KYNU: variants seen among roughly 807,000 people sequenced by gnomAD.
The protein encoded by KYNU is kynureninase.
KYNU carries 54 observed loss-of-function variants against 59.2 expected under a neutral mutation model. The ratio of observed to expected loss-of-function variants is 0.91; its 90% CI spans 0.73 to 1.14. KYNU has a LOEUF of 1.14. Ranked by LOEUF, KYNU falls within the 50% of genes most tolerant of loss-of-function variation. The pLI is 0.00. For missense variants in KYNU, 567 were observed against 554.4 expected (o/e 1.02, Z -0.23); for synonymous variants, 177 against 192.0 (o/e 0.92, Z 0.65).
chr2:142,886,223 A>G (rs927796848), intron 2 of KYNU, among the ~76,000 whole-genome samples: 3 of 152,190 alleles, frequency 2.0e-5, no homozygotes, highest in Non-Finnish European at 2.9e-5. Context: ...CCCAGGTTGA[A>G]TGGAATTAGT....
At chr2:143,028,497 C>G (rs1458476400) in intron 10 of KYNU, among the ~76,000 whole-genome samples, 2 of 149,326 alleles carry the variant, frequency 1.3e-5, no homozygotes, top group East Asian at 4.1e-4. Context: ...CCGCCTTGGC[C>G]TCCCAAAGTG....
intron 4 of KYNU, among the ~76,000 whole-genome samples, chr2:142,951,599 GAACACTA>G (rs1261550350): frequency 6.6e-6 from 1 of 152,178 alleles, no homozygotes; most frequent in Non-Finnish European, 1.5e-5. Context: ...TTGATGTTAA[GAACACTA>G]AATTCTTTAG....
chr2:143,021,561 A>G (rs973817626), intron 10 of KYNU, among the ~76,000 whole-genome samples: 2 of 152,148 alleles, frequency 1.3e-5, no homozygotes, highest in Non-Finnish European at 2.9e-5. Context: ...GAAACTTACA[A>G]TCATGGCAGG....
chr2:142,998,604 G>A (rs1200378931), intron 10 of KYNU, among the ~76,000 whole-genome samples: 1 of 152,308 alleles, frequency 6.6e-6, no homozygotes, highest in East Asian at 1.9e-4. Flanking sequence ...TAAATCAAGT[G>A]TCTAGGATCA....
intron 4 of KYNU, chr2:142,947,086 T>G: frequency 6.4e-7 from 1 of 1,550,994 alleles, no homozygotes; most frequent in Non-Finnish European, 8.7e-7. Context: ...TCAAACAATA[T>G]GTCCTTTTGT....
intron 10 of KYNU, among the ~76,000 whole-genome samples, chr2:143,021,196 G>A (rs1686397382): frequency 6.6e-6 from 1 of 151,974 alleles, no homozygotes; most frequent in Admixed American, 6.6e-5. Context: ...TTTAATATGA[G>A]CTGCAGAGGA....
chr2:142,953,239 G>A (rs28569933), intron 4 of KYNU, among the ~76,000 whole-genome samples: 6,927 of 152,224 alleles, frequency 0.046, 352 homozygotes, highest in African/African-American at 0.13. Flanking sequence ...ATTACCCACC[G>A]CGTATGACTT....
At chr2:142,943,757 C>T (rs562772253) in intron 4 of KYNU, among the ~76,000 whole-genome samples, 1 of 152,148 alleles carries the variant, frequency 6.6e-6, no homozygotes, top group African/African-American at 2.4e-5. Flanking sequence ...GAAGCTATCC[C>T]CCCACAGCTG....
rs1681958099 is a variant in KYNU at position 142,898,452 on chromosome 2, G to A, written c.169+12916G>A. 3.8e-5 allele frequency among the ~76,000 whole-genome samples: 5 copies of A among 132,470 alleles called. No homozygotes were observed. In the South Asian group the frequency reaches 1.4e-3, roughly 37 times the overall value. 86.9% of individuals were successfully genotyped at this position (132,470 alleles called of 152,430 possible). ...CCTGAAATATGAAGGGTAGGAAGTTGTATTCCCTAGTTCAAGGGAAAAAAA... is the reference window on the plus strand; with the variant it reads ...CCTGAAATATGAAGGGTAGGAAGTTATATTCCCTAGTTCAAGGGAAAAAAA... On this transcript the variant is annotated intron_variant, in intron 2 of 13. Transcript: ENST00000264170.
intron 2 of KYNU, among the ~76,000 whole-genome samples, chr2:142,893,977 A>G (rs953102017): frequency 6.6e-6 from 1 of 152,196 alleles, no homozygotes; most frequent in Admixed American, 6.5e-5. Context: ...CTGGGAATAG[A>G]AAGATTCTTA....
chr2:142,913,310 A>C (rs1309355520), intron 2 of KYNU, among the ~76,000 whole-genome samples: 1 of 152,100 alleles, frequency 6.6e-6, no homozygotes, highest in Non-Finnish European at 1.5e-5. Flanking sequence ...ATTCTAACTT[A>C]CTGATGTAGG....
intron 10 of KYNU, among the ~76,000 whole-genome samples, chr2:143,026,751 CAGTCCGCA>C (rs1686582910): frequency 1.5e-5 from 1 of 65,326 alleles, no homozygotes; most frequent in Non-Finnish European, 2.8e-5. Flanking sequence ...CCGCAGTCCG[CAGTCCGCA>C]GTCCGCATTA....
rs551525847 is a variant in KYNU, at chr2:143,034,892, A to G, written c.1041+1571A>G. 1.3e-4 allele frequency among the ~76,000 whole-genome samples: 20 copies of G among 152,240 alleles called. No homozygotes were observed. The South Asian group carries it at 4.1e-3, about 32-fold the overall frequency. ...TAAAGTAATTTCCTCTGGTGCCCAT[A>G]TCTTTGCAAATAACTTCTCAGACGT... On this transcript the variant is annotated intron_variant, in intron 12 of 13. Coordinates refer to ENST00000264170, the MANE Select transcript of KYNU (RefSeq NM_003937.3).
intron 2 of KYNU, among the ~76,000 whole-genome samples, chr2:142,910,971 A>C (rs1328412816): frequency 6.6e-6 from 1 of 152,086 alleles, no homozygotes. Flanking sequence ...TGGTTATTGT[A>C]GCCTTGTAGT....
At chr2:142,992,204 G>A (rs1441419094) in intron 10 of KYNU, among the ~76,000 whole-genome samples, 2 of 151,816 alleles carry the variant, frequency 1.3e-5, no homozygotes, top group African/African-American at 4.8e-5. Flanking sequence ...GCAGTTAACA[G>A]GTGAAGTAGA....
chr2:142,965,175 T>A (rs1409283661), intron 8 of KYNU, among the ~76,000 whole-genome samples: 1 of 152,140 alleles, frequency 6.6e-6, no homozygotes, highest in Non-Finnish European at 1.5e-5. Flanking sequence ...GGATGTCCTA[T>A]ATGTACCTTG....
intron 8 of KYNU, among the ~76,000 whole-genome samples, chr2:142,975,486 T>G (rs1684857335): frequency 2.0e-5 from 3 of 152,194 alleles, no homozygotes; most frequent in South Asian, 4.1e-4. Context: ...GTCACCTGAC[T>G]CCACACTGAG....
At position 142,952,403 on chromosome 2, in the gene KYNU, TTTTGTTTG is replaced by T. The variant is rs573911297; in HGVS notation, c.374-2395_374-2388del. On this transcript the variant is annotated intron_variant, in intron 4 of 13. Coordinates refer to ENST00000264170, the MANE Select transcript of KYNU (RefSeq NM_003937.3). ...ATATCCAAATTTTCTTTTTATTTGTTTTTGTTTGTTTGTTTGTTTTCTTATTTCTTTCT... is the reference window on the plus strand; with the variant it reads ...ATATCCAAATTTTCTTTTTATTTGTTTTTGTTTGTTTTCTTATTTCTTTCT... Among the ~76,000 whole-genome samples the T allele has an allele frequency of 2.6e-5, 4 of 152,146 alleles. No homozygotes were observed. The East Asian group carries it at 5.8e-4, about 22-fold the overall frequency.
intron 4 of KYNU, among the ~76,000 whole-genome samples, chr2:142,939,883 AAGCCCCAGGGCTAATCTGGGC>A (rs1683535384): frequency 6.6e-6 from 1 of 152,166 alleles, no homozygotes; most frequent in East Asian, 1.9e-4. Flanking sequence ...CTTTCCCAAG[AAGCCCCAGGGCTAATCTGGGC>A]AGCCCTGGAT....
Sources: allele counts gnomAD v4.1 joint callset (sites outside exome capture counted in the v4.1 genomes callset), GRCh38; gene constraint gnomAD v4.1.1; transcripts MANE v1.5; gene names NCBI Gene and HGNC (gene_info 2026-07-23, HGNC 2026-07-21).